The following FRMPD1 variants were observed in gnomAD, a reference collection of about 807,000 sequenced individuals.
The protein encoded by FRMPD1 is FERM and PDZ domain containing 1, also known as FERM and PDZ domain-containing protein 1.
FRMPD1 carries 76 observed loss-of-function variants against 117.8 expected under a neutral mutation model. The ratio of observed to expected loss-of-function variants is 0.65; its 90% CI spans 0.54 to 0.78. The LOEUF (loss-of-function observed/expected upper bound fraction) is 0.78. FRMPD1 is among the 30% of genes least tolerant of loss of function. The pLI, the probability that FRMPD1 is intolerant of heterozygous loss-of-function variation, is 0.00. For missense variants in FRMPD1, 1,786 were observed against 1,964.5 expected (o/e 0.91, Z 1.72); for synonymous variants, 783 against 770.4 (o/e 1.02, Z -0.27).
At chr9:37,741,040 T>A (rs554844155) in intron 15 of FRMPD1, 156 bp downstream of exon 15, 41 of 632,252 alleles carry the variant, frequency 6.5e-5, no homozygotes, top group Non-Finnish European at 1.1e-4. Flanking sequence ...ATGGACCAAA[T>A]TTTAGGCATC....
In FRMPD1 at chr9:37,655,365, G is replaced by T. The variant is rs562353936; in HGVS notation, c.-5+4271G>T. On this transcript the variant is annotated intron_variant, in intron 1 of 15. Transcript: ENST00000377765. ...TAAAGTGTGGCTCTGATCTCATCAT[G>T]CTCCTCCTTAGAGCCTTTCAGTGGG... Among the ~76,000 whole-genome samples, 3 of 152,066 alleles carry T rather than the reference G, an allele frequency of 2.0e-5. No homozygotes were observed. In the East Asian group the frequency reaches 5.8e-4, roughly 29 times the overall value.
chr9:37,694,256 C>G (rs754544946), intron 2 of FRMPD1, among the ~76,000 whole-genome samples: 7 of 152,202 alleles, frequency 4.6e-5, no homozygotes, highest in Non-Finnish European at 1.0e-4. Flanking sequence ...CTATATCCTA[C>G]TTCTGCCTTC....
chr9:37,668,300 A>T (rs1267015174), intron 1 of FRMPD1: 1 of 152,360 alleles, frequency 6.6e-6, no homozygotes, highest in East Asian at 1.9e-4. Flanking sequence ...GTATCCGCAG[A>T]TGAGGAGGGT....
chr9:37,673,652 C>G (rs903932818), intron 1 of FRMPD1, among the ~76,000 whole-genome samples: 1 of 152,246 alleles, frequency 6.6e-6, no homozygotes, highest in African/African-American at 2.4e-5. Flanking sequence ...AAACTTTTGC[C>G]TGGGCATCCA....
Position 37,746,641 on chromosome 9 carries a change from G to A in FRMPD1, c.4609G>A (p.Ala1537Thr), listed in dbSNP as rs1824739324. ...VVYTYHQFIE[A>T]AKSTCERGYH... ...GTACACCTACCATCAGTTTATAGAG[G>A]CTGCTAAATCGACCTGCGAGAGAGG... The change falls in exon 16 of 16, where the codon GCT (alanine) becomes ACT (threonine). Residue 1537 changes from alanine (A) to threonine (T), a missense_variant. Transcript: ENST00000377765. 1 of 1,613,928 alleles carries A rather than the reference G, an allele frequency of 6.2e-7. No homozygotes were observed. Among genetic ancestry groups the A allele is most frequent in the Admixed American group, 1.7e-5 (1 of 60,014 alleles).
intron 2 of FRMPD1, among the ~76,000 whole-genome samples, chr9:37,696,261 C>T (rs1822320434): frequency 6.6e-6 from 1 of 151,830 alleles, no homozygotes; most frequent in South Asian, 2.1e-4. Context: ...CATTCTCTTG[C>T]TTGTTTCCTC....
the FRMPD1 span, among the ~76,000 whole-genome samples, chr9:37,641,606 C>CAGTACACAGTACATAGT: frequency 8.5e-5 from 13 of 152,296 alleles, no homozygotes; most frequent in African/African-American, 2.9e-4. Flanking sequence ...CACAGTGTTG[C>CAGTACACAGTACATAGT]AGTACACAGT....
At chr9:37,735,866 C>T in intron 13 of FRMPD1, 132 bp downstream of exon 13, 1 of 640,672 alleles carries the variant, frequency 1.6e-6, no homozygotes, top group South Asian at 2.4e-5. Context: ...GACGAATTGT[C>T]CATCCTGTTC....
Position 37,746,826 on chromosome 9 carries a change from A to G in FRMPD1, c.*57A>G. The G allele has an allele frequency of 2.5e-6, 3 of 1,206,486 alleles. No individual in the cohort carries two copies. Among genetic ancestry groups the G allele is most frequent in the Non-Finnish European group, 3.6e-6 (3 of 825,178 alleles). The allele number at this position is 1,206,486 out of a possible 1,614,324, so 74.7% of individuals were successfully genotyped here. A position where few individuals can be genotyped will look rare whatever the true frequency, so the allele number is the denominator to read the frequency against. Reference sequence around the variant, plus strand: ...GTCCTGCCTTGGACACTTCCCTGAGAAGCCCCTTCCACTCTCCCACCCACC... The same window carrying G: ...GTCCTGCCTTGGACACTTCCCTGAGGAGCCCCTTCCACTCTCCCACCCACC... On this transcript the variant is annotated 3_prime_UTR_variant, in exon 16 of 16. Coordinates refer to ENST00000377765, the MANE Select transcript of FRMPD1 (RefSeq NM_014907.3).
the FRMPD1 span, among the ~76,000 whole-genome samples, chr9:37,625,741 A>G: frequency 6.6e-6 from 1 of 152,228 alleles, no homozygotes; most frequent in African/African-American, 2.4e-5. Context: ...GGCAGGATGC[A>G]GTTTTCACCC....
rs1407798527 is a variant in FRMPD1 at position 37,717,369 on chromosome 9, G to GTGTGTATATA, written c.409-1699_409-1698insGTGTATATAT. ...TGTGTGTGTGTGTGTGTGTGTGTGT[G>GTGTGTATATA]TATATATATATATTTTTTTTTTTTT... On this transcript the variant is annotated intron_variant, in intron 5 of 15. Coordinates refer to ENST00000377765, the MANE Select transcript of FRMPD1 (RefSeq NM_014907.3). 7.3e-4 allele frequency among the ~76,000 whole-genome samples: 69 copies of GTGTGTATATA among 94,132 alleles called. 1 individual carries two copies. Among genetic ancestry groups the GTGTGTATATA allele is most frequent in the Non-Finnish European group, 8.3e-4 (38 of 45,864 alleles). 61.8% of individuals were successfully genotyped at this position (94,132 alleles called of 152,430 possible).
chr9:37,744,514 G>T lies in FRMPD1; in HGVS notation c.2482G>T (p.Val828Leu), dbSNP rs575805276. Residue 828 changes from valine to leucine, a missense_variant, in exon 16 of 16, where the codon GTG becomes TTG. By Grantham distance (32) the Val-to-Leu change is conservative (BLOSUM62 1). Coordinates refer to ENST00000377765, the MANE Select transcript of FRMPD1 (RefSeq NM_014907.3). ...AAGACAGCCAAGCAGGAGGGGAGGG[G>T]TGAAGAAATATGCCAAGACCCTGAG... ...DGRQPSRRGGVKKYAKTLRKR... is the reference protein window; with the variant it reads ...DGRQPSRRGGLKKYAKTLRKR... 6.2e-7 allele frequency: 1 copy of T among 1,614,120 alleles called. No homozygotes were observed. Among genetic ancestry groups the T allele is most frequent in the South Asian group, 1.1e-5 (1 of 91,080 alleles).
intron 1 of FRMPD1, among the ~76,000 whole-genome samples, chr9:37,687,434 G>A (rs1362924366): frequency 1.3e-5 from 2 of 152,140 alleles, no homozygotes; most frequent in Admixed American, 6.5e-5. Flanking sequence ...ATAGGAAAGC[G>A]TGATGCTCAG....
chr9:37,727,616 AGC>A (rs1823667445), intron 7 of FRMPD1, among the ~76,000 whole-genome samples: 1 of 152,198 alleles, frequency 6.6e-6, no homozygotes, highest in African/African-American at 2.4e-5. Flanking sequence ...CATTGGGGCC[AGC>A]ACAATGCCAG....
chr9:37,733,444 G>T lies in FRMPD1; in HGVS notation c.996-29G>T, dbSNP rs763547855. The stretch of plus-strand genomic sequence containing the variant: ...AGAGCCAAGTACCCTGTAGAAATGG[G>T]CCTCCTTGTCTCCAATGTCTCATGG... On this transcript the variant is annotated intron_variant, in intron 10 of 15. Transcript: ENST00000377765. 3.1e-6 allele frequency: 5 copies of T among 1,606,276 alleles called. No homozygotes were observed. In the South Asian group the frequency reaches 5.6e-5, roughly 18 times the overall value.
At chr9:37,634,770 T>A in the FRMPD1 span, among the ~76,000 whole-genome samples, 1 of 151,900 alleles carries the variant, frequency 6.6e-6, no homozygotes, top group African/African-American at 2.4e-5. Context: ...TCTTCTTTTT[T>A]TTTTTTAAAA....
chr9:37,643,760 T>C, the FRMPD1 span, among the ~76,000 whole-genome samples: 1 of 152,166 alleles, frequency 6.6e-6, no homozygotes, highest in Non-Finnish European at 1.5e-5. Context: ...TGTGGCCTCT[T>C]GGGTACAATA....
intron 7 of FRMPD1, among the ~76,000 whole-genome samples, chr9:37,729,428 T>G (rs1327455120): frequency 5.1e-5 from 7 of 136,568 alleles, no homozygotes; most frequent in Non-Finnish European, 9.4e-5. Context: ...CTGGGAACTC[T>G]AGAGAGAGAA....
chr9:37,738,744 G>GT (rs1265192608), intron 14 of FRMPD1, among the ~76,000 whole-genome samples: 1 of 152,152 alleles, frequency 6.6e-6, no homozygotes, highest in African/African-American at 2.4e-5. Context: ...TGGAGGGGTT[G>GT]TGGGGGGGAC....
Sources: allele counts gnomAD v4.1 joint callset (sites outside exome capture counted in the v4.1 genomes callset), GRCh38; gene constraint gnomAD v4.1.1; transcripts MANE v1.5; gene names NCBI Gene and HGNC (gene_info 2026-07-23, HGNC 2026-07-21).